The following COL4A2 variants were observed in gnomAD, a reference collection of about 807,000 sequenced individuals.
The protein encoded by COL4A2 is collagen type IV alpha 2 chain.
Under a neutral mutation model 200.2 loss-of-function variants are expected in COL4A2, and 99 were observed. The observed-to-expected ratio is 0.49, with a 90% CI of 0.42 to 0.58. The LOEUF (loss-of-function observed/expected upper bound fraction) is 0.58, where lower values mean the gene tolerates loss of function less well. COL4A2 is among the 20% of genes least tolerant of loss of function. The pLI is 0.00. For synonymous variants in COL4A2, 897 were observed against 900.6 expected (o/e 1.00, Z 0.07); for missense variants, 1,950 against 2,314.1 (o/e 0.84, Z 3.23).
chr13:110,446,934 T>A, intron 18 of COL4A2, 70 bp downstream of exon 18: 1 of 1,313,384 alleles, frequency 7.6e-7, no homozygotes, highest in Non-Finnish European at 1.1e-6. Flanking sequence ...GACACAGAGC[T>A]ATGAACTTTC....
At chr13:110,470,511 T>C (rs1391238421) in intron 28 of COL4A2, among the ~76,000 whole-genome samples, 1 of 152,082 alleles carries the variant, frequency 6.6e-6, no homozygotes, top group Non-Finnish European at 1.5e-5. Flanking sequence ...CCCACAGACG[T>C]CTCATGAACA....
At chr13:110,485,422 C>T (rs1180498281) in intron 33 of COL4A2, among the ~76,000 whole-genome samples, 1 of 148,228 alleles carries the variant, frequency 6.7e-6, no homozygotes, top group East Asian at 2.0e-4. Context: ...ACTTAGGAGG[C>T]TGAGGCAGGA....
intron 40 of COL4A2, among the ~76,000 whole-genome samples, chr13:110,498,631 A>G (rs1270501955): frequency 6.6e-6 from 1 of 152,258 alleles, no homozygotes; most frequent in Non-Finnish European, 1.5e-5. Flanking sequence ...TTTATTTTCC[A>G]CTTAATACCT....
At chr13:110,371,789 G>A (rs58098748) in intron 4 of COL4A2, among the ~76,000 whole-genome samples, 6,201 of 152,238 alleles carry the variant, frequency 0.041, 187 homozygotes, top group East Asian at 0.13. Flanking sequence ...GGGCCTGGGC[G>A]CTGCAAAGAC....
chr13:110,495,592 C>A, intron 40 of COL4A2, 125 bp downstream of exon 40: 1 of 1,232,966 alleles, frequency 8.1e-7, no homozygotes, highest in Non-Finnish European at 1.1e-6. Flanking sequence ...GCTGGTTTTT[C>A]TGGGGAGGAC....
chr13:110,307,914 A>T lies in COL4A2; in HGVS notation c.11A>T (p.Asp4Val), dbSNP rs1459593367. The T allele has an allele frequency of 6.2e-7, 1 of 1,612,498 alleles. No homozygotes were observed. Among genetic ancestry groups the T allele is most frequent in the African/African-American group, 1.3e-5 (1 of 74,878 alleles). ...GGACGAACCGCCAGCATGGGGAGAG[A>T]CCAGCGCGCGGTGGCCGGCCCTGCC... is the stretch of plus-strand genomic sequence containing the variant. MGRDQRAVAGPALR... is the reference protein window; with the variant it reads MGRVQRAVAGPALR... The change falls in exon 2 of 48, where the codon GAC becomes GTC. Residue 4 changes from aspartate (D) to valine (V), a missense_variant. Transcript: ENST00000360467. The surrounding 1 kb of genome is among the most constrained non-coding windows in gnomAD (Gnocchi z 5.0).
intron 14 of COL4A2, among the ~76,000 whole-genome samples, chr13:110,438,383 G>A (rs1173622612): frequency 2.0e-5 from 3 of 152,208 alleles, no homozygotes; most frequent in East Asian, 3.9e-4. Flanking sequence ...TCTCCCTCGC[G>A]GTCGCTTACC....
intron 4 of COL4A2, among the ~76,000 whole-genome samples, chr13:110,404,516 T>C (rs1292166787): frequency 6.6e-6 from 1 of 152,130 alleles, no homozygotes; most frequent in Non-Finnish European, 1.5e-5. Context: ...GCATGGCTTG[T>C]GCTAGGCCAA....
At chr13:110,484,668 A>G (rs1480304675) in intron 32 of COL4A2, among the ~76,000 whole-genome samples, 1 of 151,864 alleles carries the variant, frequency 6.6e-6, no homozygotes, top group Non-Finnish European at 1.5e-5. Flanking sequence ...ACGTCCCCCT[A>G]CTGTGGTGCT....
chr13:110,321,220 A>T (rs995198095), intron 3 of COL4A2, among the ~76,000 whole-genome samples: 1 of 143,984 alleles, frequency 6.9e-6, no homozygotes, highest in Non-Finnish European at 1.5e-5. Flanking sequence ...ATATATATAT[A>T]TATATACACA....
At chr13:110,498,183 A>C (rs763493689) in intron 40 of COL4A2, among the ~76,000 whole-genome samples, 2 of 152,238 alleles carry the variant, frequency 1.3e-5, no homozygotes, top group Non-Finnish European at 2.9e-5. Context: ...TTGTCTGTCA[A>C]ATGAAAATAA....
At chr13:110,395,870 A>C (rs1450757735) in intron 4 of COL4A2, among the ~76,000 whole-genome samples, 1 of 152,210 alleles carries the variant, frequency 6.6e-6, no homozygotes, top group Non-Finnish European at 1.5e-5. Context: ...GCTTGAACTC[A>C]GGAGGCGGAG....
At chr13:110,405,686 A>G (rs1481297140) in intron 4 of COL4A2, among the ~76,000 whole-genome samples, 4 of 152,188 alleles carry the variant, frequency 2.6e-5, no homozygotes, top group Admixed American at 2.6e-4. Flanking sequence ...GGCATGGACA[A>G]CTTACACATT....
At chr13:110,483,155 C>T (rs374028579) in intron 32 of COL4A2, among the ~76,000 whole-genome samples, 1 of 152,154 alleles carries the variant, frequency 6.6e-6, no homozygotes, top group African/African-American at 2.4e-5. Context: ...TAAGGCCCCT[C>T]GTTCATTGAG....
At chr13:110,315,618 A>G (rs1885110631) in intron 3 of COL4A2, among the ~76,000 whole-genome samples, 1 of 151,352 alleles carries the variant, frequency 6.6e-6, no homozygotes, top group African/African-American at 2.4e-5. Flanking sequence ...CTGGTTTCAA[A>G]CTCCTGATCT....
At chr13:110,494,599 G>T (rs1883392428) in intron 39 of COL4A2, among the ~76,000 whole-genome samples, 1 of 151,930 alleles carries the variant, frequency 6.6e-6, no homozygotes, top group African/African-American at 2.4e-5. Context: ...TTTAACTCGG[G>T]AGGCTGAGGC....
intron 4 of COL4A2, among the ~76,000 whole-genome samples, chr13:110,378,337 T>C (rs1295315296): frequency 6.6e-6 from 1 of 152,260 alleles, no homozygotes; most frequent in African/African-American, 2.4e-5. Context: ...TCCAAAAAAA[T>C]AGATATGGAA....
At chr13:110,355,382 TGTGG>T (rs1877162488) in intron 3 of COL4A2, among the ~76,000 whole-genome samples, 2 of 93,576 alleles carry the variant, frequency 2.1e-5, no homozygotes, top group Non-Finnish European at 1.9e-5. Flanking sequence ...AGCTCACCTG[TGTGG>T]GGGGAGGGCT....
intron 30 of COL4A2, among the ~76,000 whole-genome samples, chr13:110,478,747 G>A (rs1383922173): frequency 6.6e-6 from 1 of 152,252 alleles, no homozygotes; most frequent in Non-Finnish European, 1.5e-5. Flanking sequence ...GTGCTGGTTG[G>A]AGGAATCAAT....
Sources: allele counts gnomAD v4.1 joint callset (sites outside exome capture counted in the v4.1 genomes callset), GRCh38; gene constraint gnomAD v4.1.1; non-coding constraint Gnocchi (gnomAD v3.1); transcripts MANE v1.5; gene names NCBI Gene and HGNC (gene_info 2026-07-23, HGNC 2026-07-21).